The following MEGF8 variants were observed in gnomAD, a reference collection of about 807,000 sequenced individuals.
MEGF8 encodes multiple epidermal growth factor-like domains protein 8.
In MEGF8, 156 loss-of-function variants were observed where a neutral mutation model predicts 302.9. That is an observed-to-expected ratio of 0.52 (90% CI 0.45 to 0.59). The LOEUF is 0.59. Among genes scored for constraint, MEGF8 ranks in the 20% least tolerant of loss-of-function variants. The pLI is 0.00. For synonymous variants in MEGF8, 1,621 were observed against 1,660.5 expected (o/e 0.98, Z 0.58); for missense variants, 3,345 against 3,964.5 (o/e 0.84, Z 4.20).
chr19:42,367,867 AATC>A (rs2039630298), intron 35 of MEGF8, among the ~76,000 whole-genome samples: 1 of 151,912 alleles, frequency 6.6e-6, no homozygotes. Context: ...CTCTTTATTT[AATC>A]ATCATTTGCT....
rs753919019 is a variant in MEGF8, at chr19:42,356,914, C to A, written c.4763C>A (p.Thr1588Asn). ...GCCATGTATCTGCTGGGGGGACTTA[C>A]CGCTGGAGGCGTCACCCGTGATTTC... ...RGAMYLLGGL[T>N]AGGVTRDFWV... The change falls in exon 27 of 42, where the codon ACC becomes AAC. Residue 1588 changes from threonine to asparagine, a missense_variant. By Grantham distance (65) the Thr-to-Asn change is moderately conservative. Coordinates refer to ENST00000251268, the MANE Select transcript of MEGF8 (RefSeq NM_001271938.2). The surrounding 1 kb of genome is among the most constrained non-coding windows in gnomAD (Gnocchi z 5.2). 6.2e-7 allele frequency: 1 copy of A among 1,610,466 alleles called. No individual in the cohort carries two copies. The highest frequency in any genetic ancestry group is 8.5e-7 in the Non-Finnish European group (1 of 1,178,654).
chr19:42,343,827 G>A (rs763348608), intron 9 of MEGF8, 127 bp from the exon 10 acceptor site: 338 of 1,403,186 alleles, frequency 2.4e-4, no homozygotes, highest in Admixed American at 4.6e-4. Flanking sequence ...GAATGGATGG[G>A]CATGCTGAGC....
At position 42,369,660 on chromosome 19, in the gene MEGF8, C is replaced by A; in HGVS notation, c.6771C>A (p.Arg2257=). Residue 2257 remains arginine (R), a synonymous_variant, in exon 38 of 42, where the codon CGC becomes CGA. Transcript: ENST00000251268. This position sits in a 1 kb window ranked among gnomAD's most constrained non-coding sequence, Gnocchi z 5.7. ...GCTCCACGGAATGCCGCTGCAACCGCCACAGTGAATGCGCTGGTGTTGGGG... is the reference window on the plus strand; with the variant it reads ...GCTCCACGGAATGCCGCTGCAACCGACACAGTGAATGCGCTGGTGTTGGGG... The part of the protein sequence containing the change: ...RNCSTECRCN[R]HSECAGVGAR... 6.2e-7 allele frequency: 1 copy of A among 1,613,064 alleles called. No homozygotes were observed. Among genetic ancestry groups the A allele is most frequent in the South Asian group, 1.1e-5 (1 of 91,076 alleles).
At position 42,354,118 on chromosome 19, in the gene MEGF8, GT is replaced by G. The variant is rs36065839; in HGVS notation, c.4011+107del. The G allele has an allele frequency of 0.1, 114,367 of 1,096,876 alleles. 948 individuals are homozygous for G. The highest frequency in any genetic ancestry group is 0.2 in the South Asian group (10,405 of 53,048). The allele number at this position is 1,096,876 out of a possible 1,614,324, so 67.9% of individuals were successfully genotyped here. A position where few individuals can be genotyped will look rare whatever the true frequency, so the allele number is the denominator to read the frequency against. On this transcript the variant is annotated intron_variant, in intron 22 of 41. Coordinates refer to ENST00000251268, the MANE Select transcript of MEGF8 (RefSeq NM_001271938.2). This position sits in a 1 kb window ranked among gnomAD's most constrained non-coding sequence, Gnocchi z 4.3. ...CTCAGACCCTGACCCTAGTATTGCT[GT>G]TTTTTTTTTTTTGTTTTTTTAATCC...
Position 42,356,567 on chromosome 19 carries a change from G to GGAT in MEGF8, c.4622+116_4622+118dup, listed in dbSNP as rs1242419079. 1.0e-5 allele frequency: 10 copies of GGAT among 993,926 alleles called. No individual in the cohort carries two copies. Among genetic ancestry groups the GGAT allele is most frequent in the Non-Finnish European group, 2.9e-6 (2 of 691,444 alleles). The allele number at this position is 993,926 out of a possible 1,614,324, so 61.6% of individuals were successfully genotyped here. ...CCTCTAAGGTAAAGGACAGCCCAAA[G>GGAT]GATGCTGGGACACTTGTCACAGGAA... On this transcript the variant is annotated intron_variant, in intron 26 of 41. Coordinates refer to ENST00000251268, the MANE Select transcript of MEGF8 (RefSeq NM_001271938.2). The surrounding 1 kb of genome is among the most constrained non-coding windows in gnomAD (Gnocchi z 5.2).
chr19:42,372,257 C>T (rs1179575506), intron 41 of MEGF8, among the ~76,000 whole-genome samples: 4 of 152,166 alleles, frequency 2.6e-5, no homozygotes, highest in Admixed American at 6.5e-5. Flanking sequence ...GCAGATTCTT[C>T]CCAGTTGGCA....
At chr19:42,333,949 C>A in intron 2 of MEGF8, 58 bp from the exon 3 acceptor site, 1 of 1,556,712 alleles carries the variant, frequency 6.4e-7, no homozygotes, top group South Asian at 1.2e-5. Flanking sequence ...AGTGGGCCAC[C>A]CTCCCAGGAC....
Position 42,344,317 on chromosome 19 carries a change from G to A in MEGF8, c.1789-124G>A. 1 of 1,167,540 alleles carries A rather than the reference G, an allele frequency of 8.6e-7. No individual in the cohort carries two copies. The highest frequency in any genetic ancestry group is 1.1e-6 in the Non-Finnish European group (1 of 898,286). The allele number at this position is 1,167,540 out of a possible 1,614,324, so 72.3% of individuals were successfully genotyped here. A position where few individuals can be genotyped will look rare whatever the true frequency, so the allele number is the denominator to read the frequency against. The stretch of plus-strand genomic sequence containing the variant: ...GTCCTCTGGATCTCCCACATTCCAA[G>A]TCAACTCCCCGTTCTTCAGTTTTTT... On this transcript the variant is annotated intron_variant, in intron 10 of 41. Transcript: ENST00000251268. The surrounding 1 kb of genome is among the most constrained non-coding windows in gnomAD (Gnocchi z 4.5).
chr19:42,368,626 C>T lies in MEGF8; in HGVS notation c.6445C>T (p.Arg2149Cys), dbSNP rs367975745. ...CTGGGGGGGCCAGGATGGGGGTGGC[C>T]GCTGCATGGAGGGTGGACTCAGCGG... ...CAWGGQDGGG[R>C]CMEGGLSGPR... Residue 2149 changes from arginine (R) to cysteine (C), a missense_variant, in exon 36 of 42, where the codon CGC (arginine) becomes TGC (cysteine). Arg to Cys is a radical substitution (Grantham distance 180). Transcript: ENST00000251268. The surrounding 1 kb of genome is among the most constrained non-coding windows in gnomAD (Gnocchi z 4.9). The T allele has an allele frequency of 5.1e-6, 8 of 1,564,652 alleles. No individual in the cohort carries two copies. The highest frequency in any genetic ancestry group is 4.1e-5 in the African/African-American group (3 of 73,916).
chr19:42,338,524 G>A (rs572611769), intron 8 of MEGF8, among the ~76,000 whole-genome samples: 72 of 152,296 alleles, frequency 4.7e-4, no homozygotes, highest in Non-Finnish European at 9.0e-4. Flanking sequence ...TTACAGGCGT[G>A]AGCCACTGTG....
In MEGF8 at chr19:42,370,700, G is replaced by T; in HGVS notation, c.7006-1G>T. 1 of 1,593,234 alleles carries T rather than the reference G, an allele frequency of 6.3e-7. No individual in the cohort carries two copies. The highest frequency in any genetic ancestry group is 8.5e-7 in the Non-Finnish European group (1 of 1,169,926). ...TGATCACACTGTCCTTCCTTGGCCA[G>T]ATTGAAAACTGGGTGACAGAGGGTC... is the stretch of plus-strand genomic sequence containing the variant. On this transcript the variant is annotated splice_acceptor_variant, in intron 39 of 41. Transcript: ENST00000251268. LOFTEE classifies it high-confidence loss of function.
chr19:42,333,458 C>CCCG (rs1195325419), intron 1 of MEGF8, 147 bp from the exon 2 acceptor site: 6 of 818,412 alleles, frequency 7.3e-6, no homozygotes, highest in Non-Finnish European at 1.1e-5. Context: ...GACTGGGGGC[C>CCCG]CCTTCAAGGC....
chr19:42,369,852 G>C lies in MEGF8; in HGVS notation c.6834+129G>C. The stretch of plus-strand genomic sequence containing the variant: ...CCAGGGACAGATAAGCCAGAGCCCT[G>C]TCCCAGGGAGATGTGTGGAGACTTG... On this transcript the variant is annotated intron_variant, in intron 38 of 41. Coordinates refer to ENST00000251268, the MANE Select transcript of MEGF8 (RefSeq NM_001271938.2). The surrounding 1 kb of genome is among the most constrained non-coding windows in gnomAD (Gnocchi z 5.7). 1 of 1,100,360 alleles carries C rather than the reference G, an allele frequency of 9.1e-7. No individual in the cohort carries two copies. The allele number at this position is 1,100,360 out of a possible 1,614,324, so 68.2% of individuals were successfully genotyped here.
intron 9 of MEGF8, 90 bp from the exon 10 acceptor site, chr19:42,343,863 AG>A: frequency 6.6e-7 from 1 of 1,506,780 alleles, no homozygotes; most frequent in African/African-American, 1.4e-5. Context: ...GGATAGCTAA[AG>A]CAAGCGGGGA....
At position 42,358,846 on chromosome 19, in the gene MEGF8, G is replaced by A. The variant is rs2039490378; in HGVS notation, c.5235G>A (p.Glu1745=). The A allele has an allele frequency of 1.9e-6, 3 of 1,605,278 alleles. No individual in the cohort carries two copies. Among genetic ancestry groups the A allele is most frequent in the Non-Finnish European group, 2.6e-6 (3 of 1,176,240 alleles). Residue 1745 remains glutamate, a synonymous_variant, in exon 30 of 42, where the codon GAG becomes GAA. Coordinates refer to ENST00000251268, the MANE Select transcript of MEGF8 (RefSeq NM_001271938.2). This position sits in a 1 kb window ranked among gnomAD's most constrained non-coding sequence, Gnocchi z 4.4. ...GGGGTCTGGGCCAAGTTCCTGGGGA[G>A]CAGCCTGGGTCATGGGGGTTCCGGG... ...SSRGLGQVPG[E]QPGSWGFREV...
intron 9 of MEGF8, 43 bp from the exon 10 acceptor site, chr19:42,343,911 T>TCCGTCCCCTTGCCTCCC: frequency 6.3e-7 from 1 of 1,599,304 alleles, no homozygotes; most frequent in Non-Finnish European, 8.5e-7. Context: ...GGCCTCCTCC[T>TCCGTCCCCTTGCCTCCC]CCGTCCCCTT....
At chr19:42,343,660 G>A in intron 9 of MEGF8, 29 bp downstream of exon 9, 5 of 1,576,690 alleles carry the variant, frequency 3.2e-6, no homozygotes, top group East Asian at 2.3e-5. Context: ...GGGAAAGGGT[G>A]GCTGGGGGGA....
chr19:42,352,308 G>A lies in MEGF8; in HGVS notation c.3202G>A (p.Ala1068Thr). The A allele has an allele frequency of 6.3e-7, 1 of 1,576,582 alleles. No individual in the cohort carries two copies. The highest frequency in any genetic ancestry group is 8.6e-7 in the Non-Finnish European group (1 of 1,161,804). The change falls in exon 19 of 42, where the codon GCA becomes ACA. Residue 1068 changes from alanine (A) to threonine (T), a missense_variant. By Grantham distance (58) the Ala-to-Thr change is moderately conservative. Coordinates refer to ENST00000251268, the MANE Select transcript of MEGF8 (RefSeq NM_001271938.2). This position sits in a 1 kb window ranked among gnomAD's most constrained non-coding sequence, Gnocchi z 4.4. ...TCCCGTGGCCCTCCCTGCCCGCTGG[G>A]CATACGCCCGCTGTCCTGACGTGGA... is the stretch of plus-strand genomic sequence containing the variant. ...GLPVALPARW[A>T]YARCPDVDEC...
chr19:42,368,401 C>G lies in MEGF8; in HGVS notation c.6274-54C>G, dbSNP rs1379408198. The G allele has an allele frequency of 1.4e-6, 2 of 1,443,074 alleles. No homozygotes were observed. Among genetic ancestry groups the G allele is most frequent in the African/African-American group, 2.8e-5 (2 of 70,448 alleles). 89.4% of individuals were successfully genotyped at this position (1,443,074 alleles called of 1,614,324 possible). A position where few individuals can be genotyped will look rare whatever the true frequency, so the allele number is the denominator to read the frequency against. On this transcript the variant is annotated intron_variant, in intron 35 of 41. Transcript: ENST00000251268. This position sits in a 1 kb window ranked among gnomAD's most constrained non-coding sequence, Gnocchi z 4.9. ...GATACCCAGAATGTGTTTGTTTAAG[C>G]TTATTTCCCCATCTCTCTCTTCCCT...
Sources: gnomAD v4.1 joint callset for allele counts (sites outside exome capture counted in the v4.1 genomes callset) on GRCh38, gnomAD v4.1.1 for gene constraint, Gnocchi (gnomAD v3.1) non-coding constraint, MANE v1.5 for transcripts, NCBI Gene and HGNC (gene_info 2026-07-23, HGNC 2026-07-21) for gene names.